AGPS: variants seen among roughly 807,000 people sequenced by gnomAD.
The protein encoded by AGPS is alkylglycerone phosphate synthase.
A neutral mutation model predicts 90.7 loss-of-function variants in AGPS; 26 were observed. The ratio of observed to expected loss-of-function variants is 0.29; its 90% CI spans 0.21 to 0.40. The LOEUF is 0.40. Ranked by LOEUF, AGPS falls within the 10% of genes least tolerant of loss-of-function variation. The probability of loss-of-function intolerance (pLI) is 1.00; values close to 1 mark genes in which losing one functional copy is unlikely to be tolerated. For synonymous variants in AGPS, 294 were observed against 285.3 expected (o/e 1.03, Z -0.31); for missense variants, 540 against 816.1 (o/e 0.66, Z 4.12).
At position 177,421,293 on chromosome 2, in the gene AGPS, G is replaced by C. The variant is rs1224009722; in HGVS notation, c.350+935G>C. Among the ~76,000 whole-genome samples, 5 of 151,876 alleles carry C rather than the reference G, an allele frequency of 3.3e-5. No homozygotes were observed. In the East Asian group the frequency reaches 5.8e-4, roughly 18 times the overall value. On this transcript the variant is annotated intron_variant, in intron 2 of 19. Coordinates refer to ENST00000264167, the MANE Select transcript of AGPS (RefSeq NM_003659.4). ...TATATTATGAGTCTATTCCAGTATTGTACCCTGATTTAATATCTATTGGAC... is the reference window on the plus strand; with the variant it reads ...TATATTATGAGTCTATTCCAGTATTCTACCCTGATTTAATATCTATTGGAC...
chr2:177,436,160 C>T (rs1291616935), intron 3 of AGPS, among the ~76,000 whole-genome samples: 7 of 3,588 alleles, frequency 2.0e-3, no homozygotes, highest in African/African-American at 3.5e-3. Context: ...TTTTTTTTTG[C>T]GACAGAGTCT....
At chr2:177,437,913 G>A (rs1321533352) in intron 5 of AGPS, among the ~76,000 whole-genome samples, 2 of 152,170 alleles carry the variant, frequency 1.3e-5, no homozygotes, top group Non-Finnish European at 2.9e-5. Context: ...ATGTAGCAGA[G>A]ATGAAGTTAC....
At chr2:177,523,198 A>G (rs1431231964) in intron 18 of AGPS, among the ~76,000 whole-genome samples, 1 of 152,236 alleles carries the variant, frequency 6.6e-6, no homozygotes, top group African/African-American at 2.4e-5. Context: ...AAAGACTCTA[A>G]TAGCTTTATA....
intron 15 of AGPS, among the ~76,000 whole-genome samples, chr2:177,506,494 A>G (rs746429413): frequency 1.3e-5 from 2 of 151,880 alleles, no homozygotes; most frequent in Non-Finnish European, 2.9e-5. Context: ...TCTCTTGGAA[A>G]TTTTGAACCT....
At chr2:177,523,961 T>C (rs1389873920) in intron 19 of AGPS, among the ~76,000 whole-genome samples, 156 bp downstream of exon 19, 1 of 152,210 alleles carries the variant, frequency 6.6e-6, no homozygotes, top group East Asian at 1.9e-4. Context: ...CTGAGGTAGA[T>C]AGTTAGGTTG....
In AGPS at chr2:177,439,914, C is replaced by T. The variant is rs542950618; in HGVS notation, c.638-1051C>T. ...TTGAGTCTTAGCACCTCTTGCTTGGCATTTAAAATCTTCCAGTCAGGTTTT... is the reference window on the plus strand; with the variant it reads ...TTGAGTCTTAGCACCTCTTGCTTGGTATTTAAAATCTTCCAGTCAGGTTTT... On this transcript the variant is annotated intron_variant, in intron 5 of 19. Coordinates refer to ENST00000264167, the MANE Select transcript of AGPS (RefSeq NM_003659.4). Among the ~76,000 whole-genome samples the T allele has an allele frequency of 3.3e-5, 5 of 152,236 alleles. No homozygotes were observed. In the East Asian group the frequency reaches 9.6e-4, roughly 29 times the overall value.
intron 19 of AGPS, 134 bp from the exon 20 acceptor site, chr2:177,537,940 C>G: frequency 7.6e-7 from 1 of 1,309,198 alleles, no homozygotes; most frequent in African/African-American, 1.5e-5. Context: ...CTCAATAAAT[C>G]AAATAAAGCA....
In AGPS at chr2:177,513,799, A is replaced by G. The variant is rs1688949026; in HGVS notation, c.1608-20A>G. The G allele has an allele frequency of 7.7e-6, 12 of 1,563,730 alleles. No individual in the cohort carries two copies. The highest frequency in any genetic ancestry group is 4.5e-5 in the East Asian group (2 of 44,578). On this transcript the variant is annotated intron_variant, in intron 16 of 19. Transcript: ENST00000264167. Reference sequence around the variant, plus strand: ...TTCTCACTTGAAAACTTAATATTGTATTCATTTATCTTTTTTTAGGGTGGT... The same window carrying G: ...TTCTCACTTGAAAACTTAATATTGTGTTCATTTATCTTTTTTTAGGGTGGT...
intron 1 of AGPS, among the ~76,000 whole-genome samples, chr2:177,411,149 A>G (rs1685610477): frequency 6.6e-6 from 1 of 152,134 alleles, no homozygotes; most frequent in South Asian, 2.1e-4. Context: ...GAGGTTGCCA[A>G]GTTCAGTAGG....
In AGPS at chr2:177,449,333, C is replaced by A. The variant is rs137943476; in HGVS notation, c.870+3707C>A. On this transcript the variant is annotated intron_variant, in intron 8 of 19. Transcript: ENST00000264167. ...CAGCACTGTATAAGAGTTCCAGTTT[C>A]TCCATATCCTTGCCAATACTTTGTA... Among the ~76,000 whole-genome samples, 9 of 152,306 alleles carry A rather than the reference C, an allele frequency of 5.9e-5. No individual in the cohort carries two copies. In the South Asian group the frequency reaches 8.3e-4, roughly 14 times the overall value.
chr2:177,446,924 G>T (rs1686792859), intron 8 of AGPS, among the ~76,000 whole-genome samples: 1 of 152,068 alleles, frequency 6.6e-6, no homozygotes, highest in South Asian at 2.1e-4. Flanking sequence ...ACCTTTTTGG[G>T]ATCCTAATGA....
Position 177,392,985 on chromosome 2 carries a change from GCGGCCACGGCAGCGCCCA to G in AGPS, c.204_221del (p.Ala69_Thr74del). ...GTGCAAAGCGCGGAGAGCCGCGTCG[GCGGCCACGGCAGCGCCCA>G]CGGCCACTCCCGCCGCGCAGGAGTC... is the stretch of plus-strand genomic sequence containing the variant. On this transcript the variant is annotated inframe_deletion, in exon 1 of 20. Coordinates refer to ENST00000264167, the MANE Select transcript of AGPS (RefSeq NM_003659.4). 6.5e-7 allele frequency: 1 copy of G among 1,550,038 alleles called. No individual in the cohort carries two copies. Among genetic ancestry groups the G allele is most frequent in the South Asian group, 1.2e-5 (1 of 84,030 alleles).
chr2:177,533,731 CT>C (rs1241510113), intron 19 of AGPS, among the ~76,000 whole-genome samples: 2 of 152,148 alleles, frequency 1.3e-5, no homozygotes, highest in Non-Finnish European at 2.9e-5. Flanking sequence ...TGGTTGTCCC[CT>C]CTAACACTAC....
At chr2:177,481,350 A>G (rs1687937487) in intron 10 of AGPS, among the ~76,000 whole-genome samples, 1 of 151,256 alleles carries the variant, frequency 6.6e-6, no homozygotes, top group South Asian at 2.1e-4. Flanking sequence ...AGAAAAGAGC[A>G]TTTCTTTTTT....
intron 19 of AGPS, among the ~76,000 whole-genome samples, chr2:177,537,155 T>G (rs2079191635): frequency 6.6e-6 from 1 of 152,186 alleles, no homozygotes; most frequent in South Asian, 2.1e-4. Flanking sequence ...TTGCCACAGA[T>G]AAGTTAGCAT....
At chr2:177,424,256 T>A (rs1159964658) in intron 2 of AGPS, among the ~76,000 whole-genome samples, 1 of 152,188 alleles carries the variant, frequency 6.6e-6, no homozygotes, top group Non-Finnish European at 1.5e-5. Flanking sequence ...GATAATGGCT[T>A]CCAGCTCTAT....
At chr2:177,441,903 C>T (rs139134934) in intron 6 of AGPS, among the ~76,000 whole-genome samples, 1 of 151,988 alleles carries the variant, frequency 6.6e-6, no homozygotes, top group Non-Finnish European at 1.5e-5. Context: ...TTTTAAATAC[C>T]TCATAATCTA....
At chr2:177,398,147 T>C (rs1422699560) in intron 1 of AGPS, among the ~76,000 whole-genome samples, 1 of 152,224 alleles carries the variant, frequency 6.6e-6, no homozygotes, top group African/African-American at 2.4e-5. Context: ...CAAGAGGGTA[T>C]CCTGAAGCCT....
chr2:177,420,298 G>T lies in AGPS; in HGVS notation c.290G>T (p.Gly97Val). ...RQEVMKWNGW[G>V]YNDSKFIFNK... ...GAAGTTATGAAATGGAATGGATGGG[G>T]ATATAATGATTCTAAATTCATCTTC... Residue 97 changes from glycine to valine, a missense_variant, in exon 2 of 20, where the codon GGA becomes GTA. Gly to Val is a moderately radical substitution (Grantham distance 109). This residue lies in a region of AGPS where 405 missense variants were observed against 692.1 expected (regional missense o/e 0.59). Coordinates refer to ENST00000264167, the MANE Select transcript of AGPS (RefSeq NM_003659.4). 6.2e-7 allele frequency: 1 copy of T among 1,610,026 alleles called. No homozygotes were observed. Among genetic ancestry groups the T allele is most frequent in the Non-Finnish European group, 8.5e-7 (1 of 1,176,924 alleles).
Sources: gnomAD v4.1 joint callset for allele counts (sites outside exome capture counted in the v4.1 genomes callset) on GRCh38, gnomAD v4.1.1 for gene constraint, gnomAD v4.1.1 regional missense constraint, MANE v1.5 for transcripts, NCBI Gene and HGNC (gene_info 2026-07-23, HGNC 2026-07-21) for gene names.